NTRK3: variants seen among roughly 807,000 people sequenced by gnomAD.
NTRK3 encodes neurotrophic receptor tyrosine kinase 3.
A neutral mutation model predicts 91.7 loss-of-function variants in NTRK3; 24 were observed. That is an observed-to-expected ratio of 0.26 (90% confidence interval 0.19 to 0.37). The LOEUF is 0.37. NTRK3 is among the 10% of genes least tolerant of loss of function. The pLI is 1.00. For missense variants in NTRK3, 880 were observed against 1,068.9 expected, an observed-to-expected ratio of 0.82 and a Z score of 2.46; for synonymous variants, 483 against 404.0, an observed-to-expected ratio of 1.20 and a Z score of -2.34.
chr15:87,980,735 T>C (rs2074184328), intron 14 of NTRK3, among the ~76,000 whole-genome samples: 1 of 152,180 alleles, frequency 6.6e-6, no homozygotes, highest in Admixed American at 6.5e-5. Context: ...CAAAACAGTA[T>C]TGAGTCATTT....
chr15:88,047,043 C>A (rs1045362741), intron 13 of NTRK3, among the ~76,000 whole-genome samples: 2 of 152,194 alleles, frequency 1.3e-5, no homozygotes, highest in South Asian at 2.1e-4. Context: ...TGACAGCTGA[C>A]ACCCACAGGG....
intron 13 of NTRK3, among the ~76,000 whole-genome samples, chr15:88,069,906 AGTCAGAACTCACAGGTC>A (rs1422480648): frequency 2.0e-5 from 3 of 152,196 alleles, no homozygotes; most frequent in Non-Finnish European, 4.4e-5. Flanking sequence ...GCACTTGGAA[AGTCAGAACTCACAGGTC>A]GCTGTTGAGA....
chr15:88,169,801 A>G (rs1388866241), intron 5 of NTRK3, among the ~76,000 whole-genome samples: 2 of 152,124 alleles, frequency 1.3e-5, no homozygotes, highest in Non-Finnish European at 2.9e-5. Context: ...ACCTGGCACA[A>G]TCATCACCCA....
chr15:87,873,366 G>A (rs1268799965), exon 19 of NTRK3: 1 of 229,138 alleles, frequency 4.4e-6, no homozygotes, highest in Non-Finnish European at 8.7e-6. Context: ...TATCATTAGA[G>A]GGCAGAGTTA....
In NTRK3 at chr15:88,255,824, G is replaced by A; in HGVS notation, c.248+82C>T. ...GCAGCGGCGAGCTGGGGCGGGCGGAGGGCCGGCTCCCGGCCGCGGGTGGGC... is the reference window on the plus strand; with the variant it reads ...GCAGCGGCGAGCTGGGGCGGGCGGAAGGCCGGCTCCCGGCCGCGGGTGGGC... On this transcript the variant is annotated intron_variant, in intron 3 of 18. Transcript: ENST00000394480. This position sits in a 1 kb window ranked among gnomAD's most constrained non-coding sequence, Gnocchi z 4.3. 7.8e-7 allele frequency: 1 copy of A among 1,278,722 alleles called. No individual in the cohort carries two copies. Among genetic ancestry groups the A allele is most frequent in the Non-Finnish European group, 1.0e-6 (1 of 974,026 alleles). 79.2% of individuals were successfully genotyped at this position (1,278,722 alleles called of 1,614,324 possible).
intron 3 of NTRK3, among the ~76,000 whole-genome samples, chr15:88,219,056 C>G (rs2050030607): frequency 6.6e-6 from 1 of 152,208 alleles, no homozygotes; most frequent in Non-Finnish European, 1.5e-5. Flanking sequence ...ACCTCTTGGC[C>G]ACAGACTGGT....
chr15:87,981,278 T>C (rs1188919842), intron 14 of NTRK3: 2 of 1,593,190 alleles, frequency 1.3e-6, no homozygotes, highest in Non-Finnish European at 1.7e-6. Flanking sequence ...GTTCCTCATA[T>C]ATATAGTGAG....
chr15:88,036,614 C>A (rs868719178), intron 13 of NTRK3, among the ~76,000 whole-genome samples: 2 of 152,092 alleles, frequency 1.3e-5, no homozygotes, highest in African/African-American at 4.8e-5. Flanking sequence ...CGCAGGGCTG[C>A]GGGAAGGAGG....
At chr15:87,995,524 C>T (rs1156839026) in intron 14 of NTRK3, among the ~76,000 whole-genome samples, 4 of 152,228 alleles carry the variant, frequency 2.6e-5, no homozygotes, top group South Asian at 2.1e-4. Context: ...TGGGGAAGTG[C>T]AAGGAGTTCC....
intron 17 of NTRK3, among the ~76,000 whole-genome samples, chr15:87,909,912 C>T (rs1055808323): frequency 6.6e-6 from 1 of 152,180 alleles, no homozygotes; most frequent in East Asian, 1.9e-4. Context: ...TCTTGAACTT[C>T]CAGCCTCCAG....
intron 5 of NTRK3, among the ~76,000 whole-genome samples, chr15:88,147,673 A>G (rs1451372220): frequency 1.3e-5 from 2 of 152,080 alleles, no homozygotes; most frequent in African/African-American, 4.8e-5. Flanking sequence ...TGAAATTCTC[A>G]TGGTCATTCT....
At chr15:88,011,021 G>A (rs2076842582) in intron 14 of NTRK3, among the ~76,000 whole-genome samples, 1 of 152,098 alleles carries the variant, frequency 6.6e-6, no homozygotes, top group African/African-American at 2.4e-5. Context: ...CCATCCTTTT[G>A]GACATGTTTT....
At chr15:87,897,074 C>T (rs2066170099) in intron 17 of NTRK3, among the ~76,000 whole-genome samples, 1 of 152,182 alleles carries the variant, frequency 6.6e-6, no homozygotes, top group Non-Finnish European at 1.5e-5. Flanking sequence ...ACGGCTGTCT[C>T]AGTCTGAGCC....
At chr15:88,088,062 T>C (rs1306256794) in intron 13 of NTRK3, among the ~76,000 whole-genome samples, 3 of 152,118 alleles carry the variant, frequency 2.0e-5, no homozygotes, top group Non-Finnish European at 4.4e-5. Context: ...AATAAATAAG[T>C]AAATGAATAC....
chr15:87,963,977 T>G (rs948724951), intron 14 of NTRK3, among the ~76,000 whole-genome samples: 2 of 152,216 alleles, frequency 1.3e-5, no homozygotes, highest in African/African-American at 4.8e-5. Context: ...TAAATAAATT[T>G]GAGTACATCA....
chr15:88,256,022 A>G, exon 3 of NTRK3: 1 of 1,612,888 alleles, frequency 6.2e-7, no homozygotes, highest in Non-Finnish European at 8.5e-7. Flanking sequence ...GCCGCCGGCA[A>G]TTGATCTCAG....
chr15:87,875,180 G>A (rs1444121508), exon 19 of NTRK3: 1 of 231,526 alleles, frequency 4.3e-6, no homozygotes, highest in Non-Finnish European at 8.5e-6. Context: ...CAGGGAAAAG[G>A]GTAGGCCAGA....
intron 13 of NTRK3, among the ~76,000 whole-genome samples, chr15:88,035,309 C>T (rs150986328): frequency 6.6e-6 from 1 of 152,144 alleles, no homozygotes; most frequent in Non-Finnish European, 1.5e-5. Flanking sequence ...TCACCTTGCT[C>T]CCTTCCCACA....
intron 3 of NTRK3, among the ~76,000 whole-genome samples, chr15:88,210,715 A>G (rs984874125): frequency 1.3e-5 from 2 of 152,234 alleles, no homozygotes; most frequent in African/African-American, 4.8e-5. Flanking sequence ...TCTCTCATAC[A>G]GCTCATATCA....
Sources: allele counts gnomAD v4.1 joint callset (sites outside exome capture counted in the v4.1 genomes callset), GRCh38; gene constraint gnomAD v4.1.1; non-coding constraint Gnocchi (gnomAD v3.1); transcripts MANE v1.5; gene names NCBI Gene and HGNC (gene_info 2026-07-23, HGNC 2026-07-21).